CPNE7: variants seen among roughly 807,000 people sequenced by gnomAD.
CPNE7 encodes copine 7.
A neutral mutation model predicts 66.5 loss-of-function variants in CPNE7; 78 were observed. The observed-to-expected ratio is 1.17, with a 90% CI of 0.98 to 1.42. The LOEUF is 1.42. Among genes scored for constraint, CPNE7 ranks in the 40% most tolerant of loss-of-function variants. CPNE7 has a pLI of 0.00. For synonymous variants in CPNE7, 468 were observed against 336.7 expected (o/e 1.39, Z -4.27); for missense variants, 1,012 against 776.6 (o/e 1.30, Z -3.60).
intron 13 of CPNE7, among the ~76,000 whole-genome samples, chr16:89,592,000 T>TG (rs2059179173): frequency 8.0e-6 from 1 of 125,518 alleles, no homozygotes; most frequent in Non-Finnish European, 1.6e-5. Flanking sequence ...TGCCCGGCAT[T>TG]CTTTTTTTTG....
chr16:89,595,912 G>T, intron 14 of CPNE7: 1 of 560,222 alleles, frequency 1.8e-6, no homozygotes. Flanking sequence ...GGCGAGACAC[G>T]CACAGCACAC....
At position 89,588,756 on chromosome 16, in the gene CPNE7, G is replaced by T; in HGVS notation, c.1009G>T (p.Glu337Ter). ...CTACATCAACCCCTACCAGCCGAACGAGTACCTGAAGGCACTGGTGTCCGT... is the reference window on the plus strand; with the variant it reads ...CTACATCAACCCCTACCAGCCGAACTAGTACCTGAAGGCACTGGTGTCCGT... ...LHYINPYQPN[E>*]YLKALVSVGE... Residue 337 changes from glutamate to a stop codon, truncating the protein, a stop_gained, in exon 10 of 15, where the codon GAG (glutamate) becomes TAG (stop). Coordinates refer to ENST00000319518, the MANE Select transcript of CPNE7 (RefSeq NM_153636.3). LOFTEE classifies it high-confidence loss of function. 6.2e-7 allele frequency: 1 copy of T among 1,613,740 alleles called. No homozygotes were observed. Among genetic ancestry groups the T allele is most frequent in the Non-Finnish European group, 8.5e-7 (1 of 1,179,966 alleles).
At position 89,585,494 on chromosome 16, in the gene CPNE7, G is replaced by A. The variant is rs2059019829; in HGVS notation, c.622G>A (p.Glu208Lys). The change falls in exon 6 of 15, where the codon GAG (glutamate) becomes AAG (lysine). Residue 208 changes from glutamate to lysine, a missense_variant. Coordinates refer to ENST00000319518, the MANE Select transcript of CPNE7 (RefSeq NM_153636.3). Reference protein sequence around the residue: ...VVKNNLNPVWEAFKVSLSSLC... With the variant: ...VVKNNLNPVWKAFKVSLSSLC... The stretch of plus-strand genomic sequence containing the variant: ...GAAGAACAACCTGAACCCGGTGTGG[G>A]AGGCCTTCAAAGTCTCTCTGAGTTC... 1.2e-6 allele frequency: 2 copies of A among 1,612,176 alleles called. No individual in the cohort carries two copies. The highest frequency in any genetic ancestry group is 1.3e-5 in the African/African-American group (1 of 74,858).
At chr16:89,578,602 G>A (rs1267899462) in intron 2 of CPNE7, among the ~76,000 whole-genome samples, 5 of 150,608 alleles carry the variant, frequency 3.3e-5, no homozygotes, top group Non-Finnish European at 4.4e-5. Context: ...TCTACAAAAA[G>A]TACAATAATT....
chr16:89,581,130 C>T (rs543332591), intron 2 of CPNE7, among the ~76,000 whole-genome samples: 115 of 150,904 alleles, frequency 7.6e-4, no homozygotes, highest in African/African-American at 2.7e-3. Context: ...TCACACAGAA[C>T]ATCTCACCCA....
intron 5 of CPNE7, 46 bp from the exon 6 acceptor site, chr16:89,585,418 C>T: frequency 7.2e-7 from 1 of 1,388,076 alleles, no homozygotes; most frequent in Non-Finnish European, 1.0e-6. Flanking sequence ...CCCCAAGGAT[C>T]CCAGGGCCCT....
rs145353364 is a variant in CPNE7 at position 89,588,228 on chromosome 16, G to GC, written c.928-442dup. Reference sequence around the variant, plus strand: ...CCCGCGTGTCACCCACAGATACACGGCCCCCGTGTCACCCGCGTGTTATTT... The same window carrying GC: ...CCCGCGTGTCACCCACAGATACACGGCCCCCCGTGTCACCCGCGTGTTATTT... On this transcript the variant is annotated intron_variant, in intron 9 of 14. Coordinates refer to ENST00000319518, the MANE Select transcript of CPNE7 (RefSeq NM_153636.3). 3.1e-3 allele frequency among the ~76,000 whole-genome samples: 332 copies of GC among 106,780 alleles called. 13 individuals carry two copies. Among genetic ancestry groups the GC allele is most frequent in the African/African-American group, 7.3e-3 (210 of 28,858 alleles). 70.1% of individuals were successfully genotyped at this position (106,780 alleles called of 152,430 possible). A position where few individuals can be genotyped will look rare whatever the true frequency, so the allele number is the denominator to read the frequency against.
At chr16:89,594,987 G>T (rs2059231004) in intron 13 of CPNE7, among the ~76,000 whole-genome samples, 1 of 152,104 alleles carries the variant, frequency 6.6e-6, no homozygotes. Flanking sequence ...CGGGCACCCT[G>T]GAGAGACTGG....
chr16:89,581,272 A>C (rs2058954785), intron 2 of CPNE7, among the ~76,000 whole-genome samples: 1 of 149,076 alleles, frequency 6.7e-6, no homozygotes, highest in Non-Finnish European at 1.5e-5. Flanking sequence ...GTCACACGGA[A>C]CATCCTGTCA....
intron 13 of CPNE7, 130 bp downstream of exon 13, chr16:89,591,390 A>C: frequency 7.6e-7 from 1 of 1,321,128 alleles, no homozygotes; most frequent in Non-Finnish European, 1.0e-6. Context: ...GACAGAGCTC[A>C]GGAGGGCGGG....
At chr16:89,586,647 G>A (rs895920107) in intron 7 of CPNE7, 23 bp from the exon 8 acceptor site, 21 of 1,599,302 alleles carry the variant, frequency 1.3e-5, no homozygotes, top group East Asian at 2.2e-5. Context: ...ACTCTGGGGG[G>A]CCTCTGCTTG....
chr16:89,586,148 G>T (rs997355520), intron 7 of CPNE7, among the ~76,000 whole-genome samples: 3 of 152,076 alleles, frequency 2.0e-5, no homozygotes. Flanking sequence ...GTGAAACCCT[G>T]TCCCACTGTC....
intron 9 of CPNE7, chr16:89,587,562 C>T (rs899549130): frequency 2.7e-5 from 12 of 444,608 alleles, no homozygotes; most frequent in East Asian, 1.4e-4. Flanking sequence ...ACAGACAAAA[C>T]GTGAACGAGG....
At chr16:89,576,705 A>G (rs764992844) in intron 1 of CPNE7, among the ~76,000 whole-genome samples, 6 of 152,152 alleles carry the variant, frequency 3.9e-5, no homozygotes, top group Non-Finnish European at 7.4e-5. Context: ...GAGGAGCCGG[A>G]ACTCGAACCC....
Position 89,583,785 on chromosome 16 carries a change from G to T in CPNE7, c.432+14G>T. ...TCCACCATCACGGTGAGACCCGGGC[G>T]CACCCCTGCAGCCTGCAGGCCCTGC... On this transcript the variant is annotated intron_variant, in intron 3 of 14. Coordinates refer to ENST00000319518, the MANE Select transcript of CPNE7 (RefSeq NM_153636.3). 1 of 1,611,932 alleles carries T rather than the reference G, an allele frequency of 6.2e-7. No individual in the cohort carries two copies. The highest frequency in any genetic ancestry group is 8.5e-7 in the Non-Finnish European group (1 of 1,179,494).
intron 8 of CPNE7, 55 bp downstream of exon 8, chr16:89,586,811 C>T: frequency 6.8e-7 from 1 of 1,474,004 alleles, no homozygotes; most frequent in East Asian, 2.3e-5. Context: ...CTTCCGCTGC[C>T]TCCCTCTGAT....
chr16:89,586,474 G>T (rs1011521573), intron 7 of CPNE7, among the ~76,000 whole-genome samples, 196 bp from the exon 8 acceptor site: 1 of 151,874 alleles, frequency 6.6e-6, no homozygotes, highest in Non-Finnish European at 1.5e-5. Context: ...TGCCGGGTGG[G>T]GGATGCAACT....
chr16:89,591,397 C>G (rs1447543159), intron 13 of CPNE7, 137 bp downstream of exon 13: 2 of 1,265,012 alleles, frequency 1.6e-6, no homozygotes, highest in East Asian at 2.6e-5. Flanking sequence ...CTCAGGAGGG[C>G]GGGGGCCCAG....
Position 89,591,254 on chromosome 16 carries a change from A to G in CPNE7, c.1296A>G (p.Lys432=), listed in dbSNP as rs955319288. The G allele has an allele frequency of 6.3e-7, 1 of 1,579,524 alleles. No individual in the cohort carries two copies. Among genetic ancestry groups the G allele is most frequent in the Non-Finnish European group, 8.6e-7 (1 of 1,163,044 alleles). Residue 432 remains lysine, a synonymous_variant, in exon 13 of 15, where the codon AAA becomes AAG. Transcript: ENST00000319518. Reference sequence around the variant, plus strand: ...CGGCGGCCGAGGAGAGCACCGGGAAAGCCTCTGTAGGTGCCCGGGGGGTGT... The same window carrying G: ...CGGCGGCCGAGGAGAGCACCGGGAAGGCCTCTGTAGGTGCCCGGGGGGTGT... ...RVAAAEESTG[K]ASQYYILLIL...
Sources: allele counts gnomAD v4.1 joint callset (sites outside exome capture counted in the v4.1 genomes callset), GRCh38; gene constraint gnomAD v4.1.1; transcripts MANE v1.5; gene names NCBI Gene and HGNC (gene_info 2026-07-23, HGNC 2026-07-21).